The following PRKG1 variants were observed in gnomAD, a reference collection of about 807,000 sequenced individuals.
PRKG1 encodes protein kinase cGMP-dependent 1.
Under a neutral mutation model 88.1 loss-of-function variants are expected in PRKG1, and 35 were observed. The observed-to-expected ratio is 0.40, with a 90% CI of 0.30 to 0.53. PRKG1 has a LOEUF of 0.53. Among genes scored for constraint, PRKG1 ranks in the 20% least tolerant of loss-of-function variants. The pLI is 0.59. For missense variants in PRKG1, 540 were observed against 839.8 expected (o/e 0.64, Z 4.41); for synonymous variants, 303 against 292.5 (o/e 1.04, Z -0.37).
rs192504918 is a variant in PRKG1 at position 51,112,474 on chromosome 10, G to T, written c.311+37573G>T. ...AAATATTATATATAATACAGATCTT[G>T]CCAGATTTTATCATCCTCATGAATT... is the stretch of plus-strand genomic sequence containing the variant. On this transcript the variant is annotated intron_variant, in intron 1 of 17. Coordinates refer to ENST00000373980, the MANE Select transcript of PRKG1 (RefSeq NM_006258.4). Among the ~76,000 whole-genome samples the T allele has an allele frequency of 4.0e-3, 603 of 152,136 alleles. 2 individuals carry two copies. The highest frequency in any genetic ancestry group is 6.4e-3 in the Non-Finnish European group (437 of 67,974).
In PRKG1 at chr10:51,401,048, C is replaced by G. The variant is rs570885894; in HGVS notation, c.479-66675C>G. Among the ~76,000 whole-genome samples, 9 of 152,240 alleles carry G rather than the reference C, an allele frequency of 5.9e-5. No individual in the cohort carries two copies. In the South Asian group the frequency reaches 1.9e-3, roughly 32 times the overall value. ...AACTCTAAAACAGTGCTGCCAAATA[C>G]AAGTATAACACAAGCTATGTATGTA... On this transcript the variant is annotated intron_variant, in intron 2 of 17. Transcript: ENST00000373980.
chr10:51,603,891 G>C (rs918395062), intron 3 of PRKG1, among the ~76,000 whole-genome samples: 1 of 152,210 alleles, frequency 6.6e-6, no homozygotes, highest in Non-Finnish European at 1.5e-5. Flanking sequence ...TTGTCTTCAA[G>C]AGAGCTATCT....
Position 51,064,321 on chromosome 10 carries a change from C to G in PRKG1, c.266+72677C>G, listed in dbSNP as rs190356068. Among the ~76,000 whole-genome samples the G allele has an allele frequency of 1.7e-3, 253 of 152,012 alleles. 1 individual carries two copies. Among genetic ancestry groups the G allele is most frequent in the African/African-American group, 5.4e-3 (224 of 41,482 alleles). ...ACCACTAAAGATAAATGATGCAATG[C>G]CAAGAGGGTTTTTACATTCACATGG... is the stretch of plus-strand genomic sequence containing the variant. On this transcript the variant is annotated intron_variant, in intron 1 of 17. Coordinates refer to the PRKG1 transcript ENST00000401604.
At chr10:52,158,059 C>G (rs1838174091) in intron 8 of PRKG1, among the ~76,000 whole-genome samples, 1 of 151,598 alleles carries the variant, frequency 6.6e-6, no homozygotes. Context: ...TAAACTAAAG[C>G]CATTTGCTCG....
At chr10:51,958,273 G>GA (rs1435335062) in intron 5 of PRKG1, among the ~76,000 whole-genome samples, 10 of 152,086 alleles carry the variant, frequency 6.6e-5, no homozygotes, top group African/African-American at 9.6e-5. Flanking sequence ...TAGTTCTTAT[G>GA]AAAAAACAAG....
intron 5 of PRKG1, among the ~76,000 whole-genome samples, chr10:51,998,867 C>T (rs908283537): frequency 3.9e-5 from 6 of 152,148 alleles, no homozygotes; most frequent in Admixed American, 3.9e-4. Flanking sequence ...TCCTGTGGCA[C>T]TTCCAGGAGG....
intron 2 of PRKG1, among the ~76,000 whole-genome samples, chr10:51,336,122 G>A (rs1183112186): frequency 6.6e-6 from 1 of 152,134 alleles, no homozygotes; most frequent in Non-Finnish European, 1.5e-5. Flanking sequence ...GGAGGCCAAG[G>A]TGGGCAGGTC....
At chr10:52,287,879 C>T (rs1030465619) in intron 14 of PRKG1, among the ~76,000 whole-genome samples, 14 of 151,868 alleles carry the variant, frequency 9.2e-5, no homozygotes, top group African/African-American at 3.4e-4. Context: ...TTTATTGCCT[C>T]CTTAGTATGT....
intron 3 of PRKG1, among the ~76,000 whole-genome samples, chr10:51,774,709 G>A (rs1838390746): frequency 6.6e-6 from 1 of 152,014 alleles, no homozygotes; most frequent in Non-Finnish European, 1.5e-5. Flanking sequence ...TAAAAAAATT[G>A]CAATTGGCAC....
chr10:51,807,375 G>A (rs928970283), intron 4 of PRKG1, among the ~76,000 whole-genome samples: 1 of 152,110 alleles, frequency 6.6e-6, no homozygotes, highest in Non-Finnish European at 1.5e-5. Context: ...GGGGTGGAAA[G>A]GGTACCATCC....
chr10:51,697,707 C>A (rs757945354), intron 3 of PRKG1: 2 of 1,614,120 alleles, frequency 1.2e-6, no homozygotes, highest in Middle Eastern at 1.7e-4. Flanking sequence ...TTTCAAGACG[C>A]TCCAGTGGAT....
chr10:52,034,911 A>C (rs982955583), intron 5 of PRKG1, among the ~76,000 whole-genome samples: 1 of 152,178 alleles, frequency 6.6e-6, no homozygotes, highest in African/African-American at 2.4e-5. Context: ...AATTCTGAGA[A>C]GGGAAAGTGG....
intron 8 of PRKG1, among the ~76,000 whole-genome samples, chr10:52,154,958 T>C (rs1370886402): frequency 2.0e-5 from 3 of 152,336 alleles, no homozygotes; most frequent in Middle Eastern, 3.4e-3. Flanking sequence ...CAAGTTGCTG[T>C]AAATGTCATT....
chr10:51,916,286 A>C (rs1206684410), intron 5 of PRKG1, among the ~76,000 whole-genome samples: 1 of 152,162 alleles, frequency 6.6e-6, no homozygotes, highest in Non-Finnish European at 1.5e-5. Flanking sequence ...CACCAAAACT[A>C]ATACAATATG....
At chr10:51,745,532 C>T (rs181811612) in intron 3 of PRKG1, among the ~76,000 whole-genome samples, 1 of 152,164 alleles carries the variant, frequency 6.6e-6, no homozygotes, top group African/African-American at 2.4e-5. Context: ...GGAACTCTTC[C>T]TATGAATAGC....
chr10:51,703,376 G>C (rs1841522724), intron 3 of PRKG1, among the ~76,000 whole-genome samples: 1 of 152,154 alleles, frequency 6.6e-6, no homozygotes, highest in African/African-American at 2.4e-5. Context: ...TCAAGGAATA[G>C]CTCAAATAAA....
chr10:51,646,588 T>A (rs1839919875), intron 3 of PRKG1, among the ~76,000 whole-genome samples: 2 of 152,086 alleles, frequency 1.3e-5, no homozygotes, highest in African/African-American at 4.8e-5. Context: ...TATGGACAGT[T>A]ACATTAAAAA....
At chr10:52,120,434 A>T (rs1258738356) in intron 7 of PRKG1, among the ~76,000 whole-genome samples, 1 of 152,182 alleles carries the variant, frequency 6.6e-6, no homozygotes, top group East Asian at 1.9e-4. Flanking sequence ...TCAGATATGG[A>T]TGAGACTCAA....
intron 9 of PRKG1, among the ~76,000 whole-genome samples, chr10:52,193,062 C>T (rs534727382): frequency 2.0e-3 from 301 of 152,136 alleles, no homozygotes; most frequent in Middle Eastern, 6.8e-3. Context: ...CTACTGAGTT[C>T]TCCTAGAGCA....
Sources: allele counts gnomAD v4.1 joint callset (sites outside exome capture counted in the v4.1 genomes callset), GRCh38; gene constraint gnomAD v4.1.1; transcripts MANE v1.5; gene names NCBI Gene and HGNC (gene_info 2026-07-23, HGNC 2026-07-21).